CNTNAP5: variants seen among roughly 807,000 people sequenced by gnomAD.
CNTNAP5 encodes the protein contactin associated protein family member 5, also known as contactin-associated protein-like 5.
Under a neutral mutation model 150.2 loss-of-function variants are expected in CNTNAP5, and 72 were observed. That is an observed-to-expected ratio of 0.48 (90% CI 0.40 to 0.58). CNTNAP5 has a LOEUF of 0.58. Among genes scored for constraint, CNTNAP5 ranks in the 20% least tolerant of loss-of-function variants. The pLI, the probability that CNTNAP5 is intolerant of heterozygous loss-of-function variation, is 0.00. For missense variants in CNTNAP5, 1,636 were observed against 1,626.2 expected (o/e 1.01, Z -0.10); for synonymous variants, 672 against 619.8 (o/e 1.08, Z -1.25).
At chr2:124,637,052 C>T (rs1025686220) in intron 12 of CNTNAP5, among the ~76,000 whole-genome samples, 6 of 152,116 alleles carry the variant, frequency 3.9e-5, no homozygotes, top group African/African-American at 1.4e-4. Flanking sequence ...TGTAACCAGA[C>T]ATAAGAAACC....
chr2:124,228,182 C>G (rs1276638974), intron 2 of CNTNAP5, among the ~76,000 whole-genome samples: 1 of 152,026 alleles, frequency 6.6e-6, no homozygotes, highest in Non-Finnish European at 1.5e-5. Flanking sequence ...CCCAAGGACC[C>G]AAGAACCTGG....
rs1685258063 is a variant in CNTNAP5 at position 124,183,578 on chromosome 2, C to T, written c.83-38127C>T. Among the ~76,000 whole-genome samples the T allele has an allele frequency of 2.0e-5, 3 of 152,260 alleles. No individual in the cohort carries two copies. In the South Asian group the frequency reaches 6.2e-4, roughly 32 times the overall value. On this transcript the variant is annotated intron_variant, in intron 1 of 23. Transcript: ENST00000682447. The stretch of plus-strand genomic sequence containing the variant: ...CAGACCTGGCATTAATCAATCCAAT[C>T]GAACAGTAAACTACAGTCTGTCCTT...
chr2:124,170,816 T>C (rs1529293), intron 1 of CNTNAP5, among the ~76,000 whole-genome samples: 146,859 of 151,940 alleles, frequency 0.97, 71,165 homozygotes, highest in East Asian at 1. Context: ...GACAGGTAAT[T>C]GGGGAAGAAC....
chr2:124,493,958 C>A, intron 7 of CNTNAP5, among the ~76,000 whole-genome samples: 1 of 76,252 alleles, frequency 1.3e-5, no homozygotes, highest in African/African-American at 4.0e-5. Context: ...CAAAAGAAAA[C>A]CATAAATACA....
chr2:124,390,691 AT>A (rs933396647), intron 3 of CNTNAP5, among the ~76,000 whole-genome samples: 37 of 152,216 alleles, frequency 2.4e-4, no homozygotes, highest in African/African-American at 8.9e-4. Flanking sequence ...TAAATTCATT[AT>A]TTTTTTCTAT....
intron 13 of CNTNAP5, among the ~76,000 whole-genome samples, chr2:124,713,386 C>G (rs1318626371): frequency 1.1e-5 from 1 of 87,120 alleles, no homozygotes; most frequent in East Asian, 2.9e-4. Context: ...TTTCTTCTCC[C>G]TCTTTTTTTG....
intron 1 of CNTNAP5, among the ~76,000 whole-genome samples, chr2:124,112,132 T>G (rs7577916): frequency 1.3e-5 from 2 of 152,020 alleles, no homozygotes; most frequent in Non-Finnish European, 2.9e-5. Flanking sequence ...CAGGCTTGTA[T>G]AGAAATCTGG....
At chr2:124,124,465 T>C (rs942005580) in intron 1 of CNTNAP5, among the ~76,000 whole-genome samples, 1 of 152,052 alleles carries the variant, frequency 6.6e-6, no homozygotes, top group Admixed American at 6.5e-5. Context: ...ACGGGGAGAA[T>C]GGAACCAAGT....
At chr2:124,643,011 C>G (rs1200430043) in intron 12 of CNTNAP5, among the ~76,000 whole-genome samples, 1 of 152,194 alleles carries the variant, frequency 6.6e-6, no homozygotes, top group Non-Finnish European at 1.5e-5. Context: ...GGCATGATAG[C>G]TGCTCTGGAT....
At chr2:124,792,771 C>T (rs968602793) in intron 18 of CNTNAP5, among the ~76,000 whole-genome samples, 1 of 152,250 alleles carries the variant, frequency 6.6e-6, no homozygotes, top group South Asian at 2.1e-4. Context: ...ATAAATAGAA[C>T]CATATAGTAT....
chr2:124,646,726 C>T (rs1374011610), intron 12 of CNTNAP5, among the ~76,000 whole-genome samples: 1 of 152,134 alleles, frequency 6.6e-6, no homozygotes, highest in Non-Finnish European at 1.5e-5. Flanking sequence ...GTTGCTTTTC[C>T]ATATTACCAG....
At chr2:124,435,616 T>C (rs767094305) in intron 5 of CNTNAP5, among the ~76,000 whole-genome samples, 11 of 152,198 alleles carry the variant, frequency 7.2e-5, no homozygotes, top group Non-Finnish European at 1.6e-4. Context: ...TCTTTTTGTC[T>C]TCACTATAAA....
chr2:124,257,019 A>T (rs1012828999), intron 3 of CNTNAP5, among the ~76,000 whole-genome samples: 2 of 152,160 alleles, frequency 1.3e-5, no homozygotes, highest in Admixed American at 1.3e-4. Flanking sequence ...TTAAAGAAAA[A>T]GGCAGATACT....
intron 1 of CNTNAP5, among the ~76,000 whole-genome samples, chr2:124,140,064 T>A (rs1437752148): frequency 6.6e-6 from 1 of 151,880 alleles, no homozygotes; most frequent in Non-Finnish European, 1.5e-5. Context: ...CCCACCCGAA[T>A]ATTGCGCTTT....
intron 21 of CNTNAP5, among the ~76,000 whole-genome samples, chr2:124,892,230 G>T (rs1342984810): frequency 6.6e-6 from 1 of 152,068 alleles, no homozygotes; most frequent in Non-Finnish European, 1.5e-5. Flanking sequence ...TTATGTTTTT[G>T]TACTTTCTGG....
chr2:124,682,332 G>T (rs974289782), intron 13 of CNTNAP5, among the ~76,000 whole-genome samples: 2 of 152,168 alleles, frequency 1.3e-5, no homozygotes, highest in Non-Finnish European at 2.9e-5. Context: ...TTGGTCATGC[G>T]CTGGAGTTAG....
intron 1 of CNTNAP5, among the ~76,000 whole-genome samples, chr2:124,122,109 T>C (rs1437120984): frequency 6.6e-6 from 1 of 152,176 alleles, no homozygotes; most frequent in African/African-American, 2.4e-5. Flanking sequence ...GATTCATGGC[T>C]CGTTATGCAC....
intron 9 of CNTNAP5, among the ~76,000 whole-genome samples, 161 bp from the exon 10 acceptor site, chr2:124,527,124 C>T (rs1012006370): frequency 2.6e-5 from 4 of 152,028 alleles, no homozygotes; most frequent in Non-Finnish European, 5.9e-5. Context: ...CAATTCTGTC[C>T]CCTCCCTGAG....
intron 3 of CNTNAP5, among the ~76,000 whole-genome samples, chr2:124,391,623 G>C (rs1435579241): frequency 6.6e-6 from 1 of 152,200 alleles, no homozygotes. Flanking sequence ...ACCAGTGACA[G>C]TCTTGTGAAT....
Sources: gnomAD v4.1 joint callset for allele counts (sites outside exome capture counted in the v4.1 genomes callset) on GRCh38, gnomAD v4.1.1 for gene constraint, MANE v1.5 for transcripts, NCBI Gene and HGNC (gene_info 2026-07-23, HGNC 2026-07-21) for gene names.